Variants in CAST observed in about 807,000 individuals in gnomAD.
CAST encodes the protein MIR583 host.
A neutral mutation model predicts 119.6 loss-of-function variants in CAST; 76 were observed. That is an observed-to-expected ratio of 0.64 (90% CI 0.53 to 0.77). The LOEUF is 0.77. Ranked by LOEUF, CAST falls within the 30% of genes least tolerant of loss-of-function variation. The pLI is 0.00. For missense variants in CAST, 953 were observed against 946.5 expected, an observed-to-expected ratio of 1.01 and a Z score of -0.09; for synonymous variants, 319 against 331.6, an observed-to-expected ratio of 0.96 and a Z score of 0.41.
intron 16 of CAST, chr5:96,743,469 C>A (rs914322200): frequency 6.9e-6 from 7 of 1,009,762 alleles, no homozygotes; most frequent in African/African-American, 1.7e-5. Flanking sequence ...TCCCCAGGAG[C>A]CCGCCCCACC....
intron 1 of CAST, among the ~76,000 whole-genome samples, chr5:96,618,328 C>T (rs1001883640): frequency 1.3e-5 from 2 of 152,216 alleles, no homozygotes; most frequent in African/African-American, 4.8e-5. Flanking sequence ...CTGGTATTCT[C>T]CTGGTCTTAG....
chr5:96,368,121 T>C, the CAST span, among the ~76,000 whole-genome samples: 1 of 152,100 alleles, frequency 6.6e-6, no homozygotes, highest in African/African-American at 2.4e-5. Context: ...TTTTCTTTTT[T>C]TTCCCCTTTC....
intron 2 of CAST, among the ~76,000 whole-genome samples, chr5:96,689,683 A>T (rs2150289518): frequency 6.6e-6 from 1 of 152,334 alleles, no homozygotes; most frequent in South Asian, 2.1e-4. Context: ...CCACACAGTT[A>T]TTTAATAATA....
intron 1 of CAST, among the ~76,000 whole-genome samples, chr5:96,563,542 A>G (rs866058435): frequency 2.6e-5 from 4 of 152,212 alleles, no homozygotes; most frequent in Middle Eastern, 3.2e-3. Context: ...GTTTTCTCCA[A>G]GGAGGTGAAC....
chr5:96,662,900 A>G, intron 1 of CAST: 1 of 570,328 alleles, frequency 1.8e-6, no homozygotes, highest in Middle Eastern at 4.6e-4. Context: ...CTGCCTGGAG[A>G]CGCAGAGCCT....
the CAST span, among the ~76,000 whole-genome samples, chr5:96,037,146 A>G: frequency 6.6e-6 from 1 of 152,124 alleles, no homozygotes; most frequent in East Asian, 1.9e-4. Context: ...TGTACAGTGC[A>G]TGTAGAAAAG....
the CAST span, among the ~76,000 whole-genome samples, chr5:96,387,675 T>C: frequency 6.6e-6 from 1 of 152,138 alleles, no homozygotes; most frequent in Non-Finnish European, 1.5e-5. Context: ...GACTATGAAC[T>C]GGAAATTATG....
chr5:96,403,527 C>T, the CAST span, among the ~76,000 whole-genome samples: 1 of 152,198 alleles, frequency 6.6e-6, no homozygotes, highest in South Asian at 2.1e-4. Context: ...CAACTCATTC[C>T]TGACAGCCTT....
At chr5:96,769,752 C>T (rs1170976108) in intron 29 of CAST, 1 of 151,488 alleles carries the variant, frequency 6.6e-6, no homozygotes, top group East Asian at 1.9e-4. Flanking sequence ...CTGTTCCCTA[C>T]CATGGTCGCC....
upstream of CAST, among the ~76,000 whole-genome samples, chr5:96,529,550 A>G (rs973618506): frequency 6.6e-6 from 1 of 152,182 alleles, no homozygotes; most frequent in Admixed American, 6.5e-5. Context: ...GTTTCAGATG[A>G]TTATAAATAA....
chr5:96,291,464 T>C, the CAST span, among the ~76,000 whole-genome samples: 19 of 152,144 alleles, frequency 1.2e-4, no homozygotes, highest in African/African-American at 4.1e-4. Flanking sequence ...TTCATCTTTG[T>C]CAAATTCCTT....
At chr5:96,120,326 T>C in the CAST span, among the ~76,000 whole-genome samples, 1 of 152,066 alleles carries the variant, frequency 6.6e-6, no homozygotes, top group Admixed American at 6.6e-5. Context: ...GTTAATTGAA[T>C]CTTGAGTGGA....
chr5:96,024,130 GAC>G, the CAST span, among the ~76,000 whole-genome samples: 1 of 152,102 alleles, frequency 6.6e-6, no homozygotes, highest in East Asian at 1.9e-4. Context: ...TGCCCCAAGT[GAC>G]TTTTTATCAG....
At chr5:96,499,029 GAAA>G in the CAST span, among the ~76,000 whole-genome samples, 15 of 109,742 alleles carry the variant, frequency 1.4e-4, no homozygotes, top group African/African-American at 2.1e-4. Flanking sequence ...CATTGTGCAG[GAAA>G]AAAAAAAAAA....
chr5:96,419,028 C>T, the CAST span, among the ~76,000 whole-genome samples: 1 of 151,900 alleles, frequency 6.6e-6, no homozygotes, highest in East Asian at 1.9e-4. Context: ...TACCAGTGTC[C>T]AAGCCATATA....
chr5:96,560,833 C>G (rs746729490), intron 1 of CAST, among the ~76,000 whole-genome samples: 1 of 152,082 alleles, frequency 6.6e-6, no homozygotes, highest in Non-Finnish European at 1.5e-5. Context: ...ACCATTTGAC[C>G]CAGCCATCCC....
Position 96,769,441 on chromosome 5 carries a change from G to A in CAST, c.2269-1090G>A, listed in dbSNP as rs553306208. The A allele has an allele frequency of 2.3e-4, 34 of 148,376 alleles. No individual in the cohort carries two copies. The South Asian group carries it at 2.4e-3, about 10-fold the overall frequency. 9.2% of individuals were successfully genotyped at this position (148,376 alleles called of 1,614,324 possible). On this transcript the variant is annotated intron_variant, in intron 29 of 31. Transcript: ENST00000675179. ...TGGTACACAAAAGCCAGTCCTGATC[G>A]AGACAAGCTCTATTTTGTTTTTTAA...
At chr5:95,995,259 G>C in the CAST span, among the ~76,000 whole-genome samples, 1 of 151,986 alleles carries the variant, frequency 6.6e-6, no homozygotes, top group Non-Finnish European at 1.5e-5. Flanking sequence ...CACTGCATGG[G>C]GTCTATCTGC....
chr5:96,190,983 T>C, the CAST span, among the ~76,000 whole-genome samples: 7 of 152,220 alleles, frequency 4.6e-5, no homozygotes, highest in African/African-American at 1.7e-4. Flanking sequence ...ATGGGGTATT[T>C]GGTTTTCTGT....
Sources: gnomAD v4.1 joint callset for allele counts (sites outside exome capture counted in the v4.1 genomes callset) on GRCh38, gnomAD v4.1.1 for gene constraint, MANE v1.5 for transcripts, NCBI Gene and HGNC (gene_info 2026-07-23, HGNC 2026-07-21) for gene names.